Variants in ARHGAP44 observed in about 807,000 individuals in gnomAD.
ARHGAP44 encodes rho GTPase-activating protein 44.
A neutral mutation model predicts 106.8 loss-of-function variants in ARHGAP44; 43 were observed. The observed-to-expected ratio is 0.40, with a 90% CI of 0.32 to 0.52. The LOEUF is 0.52. ARHGAP44 is among the 20% of genes least tolerant of loss of function. ARHGAP44 has a pLI of 0.48. For missense variants in ARHGAP44, 866 were observed against 1,050.5 expected, an observed-to-expected ratio of 0.82 and a Z score of 2.43; for synonymous variants, 439 against 410.3, an observed-to-expected ratio of 1.07 and a Z score of -0.85.
intron 13 of ARHGAP44, among the ~76,000 whole-genome samples, chr17:12,954,789 G>A (rs1452927267): frequency 1.3e-5 from 2 of 152,092 alleles, no homozygotes; most frequent in African/African-American, 2.4e-5. Flanking sequence ...GAATTTGCAC[G>A]TAGCTTCTTC....
intron 1 of ARHGAP44, among the ~76,000 whole-genome samples, chr17:12,862,655 T>C (rs1371260418): frequency 6.6e-6 from 1 of 152,160 alleles, no homozygotes; most frequent in Non-Finnish European, 1.5e-5. Context: ...TACATATGAA[T>C]GTTCATTATA....
At chr17:12,875,470 T>C (rs1021463626) in intron 1 of ARHGAP44, among the ~76,000 whole-genome samples, 7 of 151,980 alleles carry the variant, frequency 4.6e-5, no homozygotes, top group Non-Finnish European at 8.8e-5. Flanking sequence ...GGTACGTGCC[T>C]GTAGTCCCCA....
chr17:12,863,831 C>T (rs113047079), intron 1 of ARHGAP44, among the ~76,000 whole-genome samples: 54 of 152,316 alleles, frequency 3.5e-4, no homozygotes, highest in Non-Finnish European at 6.0e-4. Context: ...TTGGACAGGG[C>T]TCAGAGAACA....
At position 12,949,175 on chromosome 17, in the gene ARHGAP44, G is replaced by A; in HGVS notation, c.897G>A (p.Leu299=). 6.3e-7 allele frequency: 1 copy of A among 1,581,790 alleles called. No homozygotes were observed. ...GAGTAGCCCCCTCTGCCTCCAAACT[G>A]AAGAAGCTGAAAGCGGCCCTGGACT... is the stretch of plus-strand genomic sequence containing the variant. The part of the protein sequence containing the change: ...LFRVAPSASK[L]KKLKAALDCC... Residue 299 remains leucine, a synonymous_variant, in exon 11 of 21, where the codon CTG becomes CTA. Transcript: ENST00000379672. The surrounding 1 kb of genome is among the most constrained non-coding windows in gnomAD (Gnocchi z 4.1).
At chr17:12,844,885 T>A (rs7221153) in intron 1 of ARHGAP44, among the ~76,000 whole-genome samples, 43,726 of 151,852 alleles carry the variant, frequency 0.29, 9,202 homozygotes, top group African/African-American at 0.59. Flanking sequence ...TGATAAGAGA[T>A]ACTATGCTGT....
At position 12,907,522 on chromosome 17, in the gene ARHGAP44, G is replaced by A. The variant is rs28655533; in HGVS notation, c.199-1375G>A. ...TGTGACAAGCACTAATCTACTTTCT[G>A]TCTCTGTGAATTTGCTTATTCTGGA... On this transcript the variant is annotated intron_variant, in intron 3 of 20. Transcript: ENST00000379672. Among the ~76,000 whole-genome samples, 291 of 152,196 alleles carry A rather than the reference G, an allele frequency of 1.9e-3. 1 individual carries two copies. Among genetic ancestry groups the A allele is most frequent in the African/African-American group, 6.6e-3 (276 of 41,520 alleles).
intron 3 of ARHGAP44, among the ~76,000 whole-genome samples, chr17:12,900,626 C>T (rs527254282): frequency 9.2e-5 from 14 of 152,312 alleles, no homozygotes; most frequent in African/African-American, 2.6e-4. Context: ...AAGTCTGCCA[C>T]GCAAGGCGGT....
rs7216369 is a variant in ARHGAP44, at chr17:12,956,998, C to T, written c.1342+252C>T. On this transcript the variant is annotated intron_variant, in intron 15 of 20. Coordinates refer to ENST00000379672, the MANE Select transcript of ARHGAP44 (RefSeq NM_014859.6). Reference sequence around the variant, plus strand: ...TGGAGTTTTGCTCTTGTTGCCCAGGCTGGATTGCAATGGTCCGATCCGGCT... The same window carrying T: ...TGGAGTTTTGCTCTTGTTGCCCAGGTTGGATTGCAATGGTCCGATCCGGCT... Among the ~76,000 whole-genome samples the T allele has an allele frequency of 0.074, 11,199 of 152,250 alleles. 534 individuals carry two copies. Among genetic ancestry groups the T allele is most frequent in the South Asian group, 0.21 (1,004 of 4,826 alleles).
chr17:12,956,877 A>G, intron 15 of ARHGAP44, 131 bp downstream of exon 15: 1 of 662,906 alleles, frequency 1.5e-6, no homozygotes, highest in Non-Finnish European at 2.7e-6. Flanking sequence ...ACACACACAC[A>G]CACACACACA....
intron 1 of ARHGAP44, among the ~76,000 whole-genome samples, chr17:12,878,384 G>C (rs574646573): frequency 2.0e-5 from 3 of 152,206 alleles, no homozygotes; most frequent in African/African-American, 7.2e-5. Flanking sequence ...GTGGAACAGT[G>C]CACAATTTCA....
intron 1 of ARHGAP44, among the ~76,000 whole-genome samples, chr17:12,843,329 C>T (rs896065528): frequency 1.5e-4 from 23 of 152,128 alleles, no homozygotes; most frequent in African/African-American, 5.3e-4. Context: ...GATCTCACCA[C>T]GGTTCTCTTC....
chr17:12,926,913 A>T (rs953289203), intron 6 of ARHGAP44, among the ~76,000 whole-genome samples: 2 of 152,078 alleles, frequency 1.3e-5, no homozygotes, highest in Non-Finnish European at 2.9e-5. Flanking sequence ...ATTGTCTGAG[A>T]TCTAAATTAC....
At chr17:12,896,278 A>G (rs1362698930) in intron 2 of ARHGAP44, 129 bp from the exon 3 acceptor site, 5 of 674,498 alleles carry the variant, frequency 7.4e-6, no homozygotes, top group Non-Finnish European at 1.2e-5. Flanking sequence ...AAACAAACAA[A>G]AAAACAAAGC....
chr17:12,889,304 A>G (rs1161436540), intron 1 of ARHGAP44, among the ~76,000 whole-genome samples: 1 of 152,136 alleles, frequency 6.6e-6, no homozygotes, highest in African/African-American at 2.4e-5. Flanking sequence ...AATTTATAAG[A>G]AGCTGAAATT....
chr17:12,991,086 C>T lies in ARHGAP44; in HGVS notation c.*915C>T, dbSNP rs1320771281. 7 of 152,658 alleles carry T rather than the reference C, an allele frequency of 4.6e-5. No homozygotes were observed. The highest frequency in any genetic ancestry group is 4.1e-4 in the South Asian group (2 of 4,834). 9.5% of individuals were successfully genotyped at this position (152,658 alleles called of 1,614,324 possible). A position where few individuals can be genotyped will look rare whatever the true frequency, so the allele number is the denominator to read the frequency against. On this transcript the variant is annotated 3_prime_UTR_variant, in exon 21 of 21. Transcript: ENST00000379672. Reference sequence around the variant, plus strand: ...TGTGGAGGAAAAGTGAAACCAGCCACGGAGACGCTGGCCCACGGGCTCGGC... The same window carrying T: ...TGTGGAGGAAAAGTGAAACCAGCCATGGAGACGCTGGCCCACGGGCTCGGC...
intron 1 of ARHGAP44, among the ~76,000 whole-genome samples, chr17:12,876,840 G>A (rs540100526): frequency 2.0e-5 from 3 of 151,064 alleles, no homozygotes; most frequent in Non-Finnish European, 4.4e-5. Flanking sequence ...GAACCCGGGA[G>A]GCAGAGGTTT....
intron 10 of ARHGAP44, among the ~76,000 whole-genome samples, chr17:12,945,745 A>G (rs1299665901): frequency 6.6e-6 from 1 of 152,222 alleles, no homozygotes; most frequent in Non-Finnish European, 1.5e-5. Context: ...AACACATTTT[A>G]TATGCCAGGC....
At chr17:12,895,110 A>T in intron 2 of ARHGAP44, 131 bp downstream of exon 2, 1 of 772,118 alleles carries the variant, frequency 1.3e-6, no homozygotes, top group Non-Finnish European at 2.1e-6. Context: ...CAGCCTGGCG[A>T]TACAGCGAGA....
At chr17:12,810,902 C>T (rs893404434) in intron 1 of ARHGAP44, among the ~76,000 whole-genome samples, 7 of 152,118 alleles carry the variant, frequency 4.6e-5, no homozygotes, top group South Asian at 2.1e-4. Context: ...CAATAGCCTC[C>T]GGTTGACTGG....
Sources: allele counts gnomAD v4.1 joint callset (sites outside exome capture counted in the v4.1 genomes callset), GRCh38; gene constraint gnomAD v4.1.1; non-coding constraint Gnocchi (gnomAD v3.1); transcripts MANE v1.5; gene names NCBI Gene and HGNC (gene_info 2026-07-23, HGNC 2026-07-21).